The following NDUFS2 variants were observed in gnomAD, a reference collection of about 807,000 sequenced individuals.
NDUFS2 encodes the protein NADH:ubiquinone oxidoreductase core subunit S2, also known as NADH dehydrogenase [ubiquinone] iron-sulfur protein 2, mitochondrial.
Under a neutral mutation model 69.6 loss-of-function variants are expected in NDUFS2, and 38 were observed. That is an observed-to-expected ratio of 0.55 (90% CI 0.42 to 0.72). NDUFS2 has a LOEUF of 0.72. NDUFS2 is among the 30% of genes least tolerant of loss of function. NDUFS2 has a pLI of 0.00. For synonymous variants in NDUFS2, 194 were observed against 211.2 expected, an observed-to-expected ratio of 0.92 and a Z score of 0.70; for missense variants, 468 against 595.0, an observed-to-expected ratio of 0.79 and a Z score of 2.22.
intron 11 of NDUFS2, 35 bp from the exon 12 acceptor site, chr1:161,213,614 G>T (rs1370544098): frequency 6.2e-7 from 1 of 1,607,400 alleles, no homozygotes; most frequent in Non-Finnish European, 8.5e-7. Context: ...TACTCTTCAT[G>T]TTAATACAGA....
At chr1:161,202,105 T>C (rs1040357910), upstream of NDUFS2, 30 of 524,674 alleles carry the variant, frequency 5.7e-5, no homozygotes, top group Admixed American at 1.6e-4. Flanking sequence ...ACGAAGTATC[T>C]GCCCCACGCA....
Position 161,213,669 on chromosome 1 carries a change from G to A in NDUFS2, c.1233G>A (p.Leu411=). 3 of 1,614,184 alleles carry A rather than the reference G, an allele frequency of 1.9e-6. No homozygotes were observed. The highest frequency in any genetic ancestry group is 2.5e-6 in the Non-Finnish European group (3 of 1,180,038). The part of the protein sequence containing the change: ...EAPKGEFGVY[L]VSDGSSRPYR... ...AACAGGGAGAGTTTGGGGTGTACCTGGTGTCTGATGGCAGCAGCCGCCCTT... is the reference window on the plus strand; with the variant it reads ...AACAGGGAGAGTTTGGGGTGTACCTAGTGTCTGATGGCAGCAGCCGCCCTT... Residue 411 remains leucine (L), a synonymous_variant, in exon 12 of 14, where the codon CTG becomes CTA. Transcript: ENST00000676972.
At chr1:161,198,548 G>A, upstream of NDUFS2, 1 of 1,563,832 alleles carries the variant, frequency 6.4e-7, no homozygotes, top group Non-Finnish European at 8.7e-7. The surrounding 1 kb of genome is among the most constrained non-coding windows in gnomAD (Gnocchi z 4.7). Flanking sequence ...CGGCACAATG[G>A]GGAGCAGGAG....
At chr1:161,205,757 A>G (rs185070903) in intron 2 of NDUFS2, among the ~76,000 whole-genome samples, 19 of 147,886 alleles carry the variant, frequency 1.3e-4, no homozygotes, top group African/African-American at 4.7e-4. Context: ...GCAGAGTGAG[A>G]CTCTGTCTCA....
At position 161,212,497 on chromosome 1, in the gene NDUFS2, G is replaced by C. The variant is rs1295566723; in HGVS notation, c.1116+17G>C. On this transcript the variant is annotated intron_variant, in intron 10 of 13. Coordinates refer to ENST00000676972, the MANE Select transcript of NDUFS2 (RefSeq NM_001377299.1). ...GAGATGAAGGTTGGCTGCAGGGAGG[G>C]GGAAAGTGTGGGGTGTTGGAAAGGG... 6.2e-7 allele frequency: 1 copy of C among 1,609,722 alleles called. No individual in the cohort carries two copies. The highest frequency in any genetic ancestry group is 1.3e-5 in the African/African-American group (1 of 74,922).
chr1:161,198,762 G>A (rs1664983558), upstream of NDUFS2: 1 of 801,938 alleles, frequency 1.2e-6, no homozygotes, highest in South Asian at 2.0e-5. This position sits in a 1 kb window ranked among gnomAD's most constrained non-coding sequence, Gnocchi z 4.7. Context: ...GTTTTCAGAA[G>A]GGCTGAGGAC....
chr1:161,210,134 T>A lies in NDUFS2; in HGVS notation c.726T>A (p.Asp242Glu), dbSNP rs368514235. The A allele has an allele frequency of 6.2e-7, 1 of 1,614,170 alleles. No individual in the cohort carries two copies. The highest frequency in any genetic ancestry group is 8.5e-7 in the Non-Finnish European group (1 of 1,180,032). The part of the protein sequence containing the change: ...VHQDLPLGLM[D>E]DIYQFSKNFS... ...AGGACCTACCCCTTGGGCTTATGGA[T>A]GACATTTATCAGTTTTCTAAGAACT... The change falls in exon 7 of 14, where the codon GAT becomes GAA. Residue 242 changes from aspartate (D) to glutamate (E), a missense_variant. Coordinates refer to ENST00000676972, the MANE Select transcript of NDUFS2 (RefSeq NM_001377299.1).
At chr1:161,198,060 G>C (rs773488186), upstream of NDUFS2, 3 of 1,608,034 alleles carry the variant, frequency 1.9e-6, no homozygotes, top group Admixed American at 1.7e-5. This position sits in a 1 kb window ranked among gnomAD's most constrained non-coding sequence, Gnocchi z 4.7. Context: ...ATGGGACCTT[G>C]ACCGCTGGCA....
chr1:161,208,776 A>C (rs1175396308), intron 3 of NDUFS2, among the ~76,000 whole-genome samples: 1 of 152,258 alleles, frequency 6.6e-6, no homozygotes, highest in Non-Finnish European at 1.5e-5. Context: ...TTAAATATTC[A>C]AAGCTCATCA....
Position 161,213,645 on chromosome 1 carries a change from A to C in NDUFS2, c.1213-4A>C. Reference sequence around the variant, plus strand: ...ACAGACACCCAACCTTCTTCCTTGAACAGGGAGAGTTTGGGGTGTACCTGG... The same window carrying C: ...ACAGACACCCAACCTTCTTCCTTGACCAGGGAGAGTTTGGGGTGTACCTGG... On this transcript the variant is annotated splice_polypyrimidine_tract_variant and splice_region_variant and intron_variant, in intron 11 of 13. Transcript: ENST00000676972. 1 of 1,614,088 alleles carries C rather than the reference A, an allele frequency of 6.2e-7. No individual in the cohort carries two copies. Among genetic ancestry groups the C allele is most frequent in the Non-Finnish European group, 8.5e-7 (1 of 1,179,922 alleles).
upstream of NDUFS2, chr1:161,198,341 A>G: frequency 6.2e-7 from 1 of 1,613,354 alleles, no homozygotes. The surrounding 1 kb of genome is among the most constrained non-coding windows in gnomAD (Gnocchi z 4.7). Flanking sequence ...GTCCTGCTCC[A>G]GCTCTAGTAG....
chr1:161,203,711 T>C lies in NDUFS2; in HGVS notation c.202+168T>C, dbSNP rs1665299836. The stretch of plus-strand genomic sequence containing the variant: ...TCTGGGCTCAAGGCAACCTTCTGTC[T>C]CAGCCTCCCCAGAAAGCCGCAACAA... On this transcript the variant is annotated intron_variant, in intron 2 of 13. Coordinates refer to ENST00000676972, the MANE Select transcript of NDUFS2 (RefSeq NM_001377299.1). 1.0e-5 allele frequency: 7 copies of C among 672,764 alleles called. No individual in the cohort carries two copies. The South Asian group carries it at 1.1e-4, about 11-fold the overall frequency. 41.7% of individuals were successfully genotyped at this position (672,764 alleles called of 1,614,324 possible). A position where few individuals can be genotyped will look rare whatever the true frequency, so the allele number is the denominator to read the frequency against.
chr1:161,211,725 A>ATT (rs34726753), intron 9 of NDUFS2, among the ~76,000 whole-genome samples: 92,647 of 151,842 alleles, frequency 0.61, 28,606 homozygotes, highest in East Asian at 0.89. Flanking sequence ...GTTACTGTGT[A>ATT]TTGTTTTTTT....
upstream of NDUFS2, chr1:161,198,883 C>G: frequency 2.3e-6 from 1 of 438,664 alleles, no homozygotes; most frequent in East Asian, 3.4e-5. This position sits in a 1 kb window ranked among gnomAD's most constrained non-coding sequence, Gnocchi z 4.7. Flanking sequence ...TTTGTCTCTC[C>G]CTGCCTGTGT....
At chr1:161,205,902 T>C (rs930491607) in intron 2 of NDUFS2, among the ~76,000 whole-genome samples, 6 of 152,306 alleles carry the variant, frequency 3.9e-5, no homozygotes, top group Admixed American at 2.6e-4. Flanking sequence ...GTAGTTAAGA[T>C]GTTTGGATCC....
At chr1:161,204,247 G>C (rs546636704) in intron 2 of NDUFS2, among the ~76,000 whole-genome samples, 42 of 152,196 alleles carry the variant, frequency 2.8e-4, no homozygotes, top group Middle Eastern at 3.4e-3. Flanking sequence ...ATCAAAACTA[G>C]CTCTTCCTTT....
Position 161,206,647 on chromosome 1 carries a change from C to T in NDUFS2, c.393+50C>T, listed in dbSNP as rs532204246. 1.0e-4 allele frequency: 164 copies of T among 1,595,472 alleles called. 2 individuals carry two copies. In the South Asian group the frequency reaches 1.8e-3, roughly 18 times the overall value. ...TTGGCGGGATCTGGGGTTGCTTTAG[C>T]CTGGGGCTTTGCCAGTTTGCTGCCC... On this transcript the variant is annotated intron_variant, in intron 3 of 13. Coordinates refer to ENST00000676972, the MANE Select transcript of NDUFS2 (RefSeq NM_001377299.1).
At chr1:161,198,396 G>T (rs754215648), upstream of NDUFS2, 17 of 1,609,700 alleles carry the variant, frequency 1.1e-5, no homozygotes, top group South Asian at 1.9e-4. The surrounding 1 kb of genome is among the most constrained non-coding windows in gnomAD (Gnocchi z 4.7). Flanking sequence ...AGCCTGGCAG[G>T]GGCGCCCGAG....
rs889244621 is a variant in NDUFS2, at chr1:161,210,806, T to G, written c.986+96T>G. Reference sequence around the variant, plus strand: ...TCCTTCTTTACCCTACTTCTCAGTGTCTGTGGGAGCTCTTGTGTGTGTTAG... The same window carrying G: ...TCCTTCTTTACCCTACTTCTCAGTGGCTGTGGGAGCTCTTGTGTGTGTTAG... On this transcript the variant is annotated intron_variant, in intron 9 of 13. Coordinates refer to ENST00000676972, the MANE Select transcript of NDUFS2 (RefSeq NM_001377299.1). 1.9e-6 allele frequency: 3 copies of G among 1,570,876 alleles called. No homozygotes were observed. In the African/African-American group the frequency reaches 4.1e-5, roughly 21 times the overall value.
Sources: gnomAD v4.1 joint callset for allele counts (sites outside exome capture counted in the v4.1 genomes callset) on GRCh38, gnomAD v4.1.1 for gene constraint, Gnocchi (gnomAD v3.1) non-coding constraint, MANE v1.5 for transcripts, NCBI Gene and HGNC (gene_info 2026-07-23, HGNC 2026-07-21) for gene names.